AP1S3: variants seen among roughly 807,000 people sequenced by gnomAD.
AP1S3 encodes adaptor related protein complex 1 subunit sigma 3.
A neutral mutation model predicts 20.9 loss-of-function variants in AP1S3; 10 were observed. That is an observed-to-expected ratio of 0.48 (90% CI 0.29 to 0.81). AP1S3 has a LOEUF of 0.81. Ranked by LOEUF, AP1S3 falls within the 30% of genes least tolerant of loss-of-function variation. The pLI, the probability that AP1S3 is intolerant of heterozygous loss-of-function variation, is 0.08. For missense variants in AP1S3, 154 were observed against 183.8 expected (o/e 0.84, Z 0.94); for synonymous variants, 41 against 61.5 (o/e 0.67, Z 1.56).
Position 223,818,952 on chromosome 2 carries a change from G to A in AP1S3, c.3+18496C>T, listed in dbSNP as rs965716513. ...GATTATAGATTCAAGCTTCAGGCAT[G>A]GGGAAATAATTTGATACTATTTTAA... On this transcript the variant is annotated intron_variant, in intron 1 of 4. Coordinates refer to ENST00000396654, the MANE Select transcript of AP1S3 (RefSeq NM_001039569.2). Among the ~76,000 whole-genome samples, 3 of 152,156 alleles carry A rather than the reference G, an allele frequency of 2.0e-5. No individual in the cohort carries two copies. In the South Asian group the frequency reaches 6.2e-4, roughly 32 times the overall value.
rs1460392204 is a variant in AP1S3, at chr2:223,756,396, AGGAAGGAAG to A, written c.*2310_*2318del. On this transcript the variant is annotated 3_prime_UTR_variant, in exon 5 of 5. Coordinates refer to ENST00000396654, the MANE Select transcript of AP1S3 (RefSeq NM_001039569.2). Reference sequence around the variant, plus strand: ...AAGAAAGGAGGGAGGGAGGAAGGGAAGGAAGGAAGGGAGGGAAGGAGAGAGAGAGAAGAA... The same window carrying A: ...AAGAAAGGAGGGAGGGAGGAAGGGAAGGAGGGAAGGAGAGAGAGAGAAGAA... The A allele has an allele frequency of 2.4e-6, 1 of 418,322 alleles. No individual in the cohort carries two copies. The highest frequency in any genetic ancestry group is 3.1e-6 in the Non-Finnish European group (1 of 317,536). The allele number at this position is 418,322 out of a possible 1,614,324, so 25.9% of individuals were successfully genotyped here.
At chr2:223,806,318 C>T (rs1354997331) in intron 1 of AP1S3, among the ~76,000 whole-genome samples, 1 of 138,784 alleles carries the variant, frequency 7.2e-6, no homozygotes, top group East Asian at 2.2e-4. Context: ...GAGTCCCACT[C>T]TGTCACCCAG....
At chr2:223,806,875 G>C (rs1691595171) in intron 1 of AP1S3, among the ~76,000 whole-genome samples, 1 of 151,822 alleles carries the variant, frequency 6.6e-6, no homozygotes, top group African/African-American at 2.4e-5. Flanking sequence ...CATAATTTCA[G>C]GTGGTTTTTT....
At chr2:223,818,438 C>A (rs1353806854) in intron 1 of AP1S3, among the ~76,000 whole-genome samples, 2 of 136,960 alleles carry the variant, frequency 1.5e-5, no homozygotes, top group Non-Finnish European at 3.3e-5. Flanking sequence ...AAAAAAATGT[C>A]CAAGGTTCCA....
At chr2:223,763,723 C>T (rs199849215) in intron 4 of AP1S3, among the ~76,000 whole-genome samples, 5 of 152,150 alleles carry the variant, frequency 3.3e-5, no homozygotes, top group East Asian at 3.9e-4. Flanking sequence ...CAGCTGCTTA[C>T]GGCACCCACT....
rs1056321094 is a variant in AP1S3 at position 223,757,930 on chromosome 2, T to C, written c.*785A>G. On this transcript the variant is annotated 3_prime_UTR_variant, in exon 5 of 5. Coordinates refer to ENST00000396654, the MANE Select transcript of AP1S3 (RefSeq NM_001039569.2). ...TTATTATTGCTATTAATTCTTATCA[T>C]ACTATTTTAGAATAATAAAGGAAGT... The C allele has an allele frequency of 4.1e-6, 4 of 971,940 alleles. No individual in the cohort carries two copies. In the African/African-American group the frequency reaches 5.3e-5, roughly 13 times the overall value. 60.2% of individuals were successfully genotyped at this position (971,940 alleles called of 1,614,324 possible).
intron 1 of AP1S3, among the ~76,000 whole-genome samples, chr2:223,828,442 G>A (rs932619906): frequency 1.3e-5 from 2 of 151,732 alleles, no homozygotes; most frequent in African/African-American, 2.4e-5. Flanking sequence ...GGTTATAGGC[G>A]TGCACCACCA....
chr2:223,775,576 C>T (rs55638739), intron 3 of AP1S3, among the ~76,000 whole-genome samples: 2,464 of 152,226 alleles, frequency 0.016, 29 homozygotes, highest in Non-Finnish European at 0.025. Flanking sequence ...CACGGTAGCT[C>T]ATGCCTATAA....
chr2:223,830,478 CAAAAA>C (rs11359575), intron 1 of AP1S3, among the ~76,000 whole-genome samples: 2 of 116,198 alleles, frequency 1.7e-5, no homozygotes, highest in African/African-American at 6.5e-5. Flanking sequence ...GACTCTCTCT[CAAAAA>C]AAAAAAAAAA....
At chr2:223,777,967 T>C in intron 1 of AP1S3, 98 bp from the exon 2 acceptor site, 1 of 1,123,364 alleles carries the variant, frequency 8.9e-7, no homozygotes, top group Non-Finnish European at 1.2e-6. Context: ...CACAGAAAGA[T>C]AATTCTGAAC....
intron 1 of AP1S3, among the ~76,000 whole-genome samples, chr2:223,805,335 C>T (rs550698426): frequency 1.3e-5 from 2 of 152,122 alleles, no homozygotes; most frequent in East Asian, 1.9e-4. Flanking sequence ...CCTGGCTACT[C>T]GGGAGCCAGA....
At chr2:223,770,745 T>TTTC (rs1371827475) in intron 3 of AP1S3, among the ~76,000 whole-genome samples, 1 of 149,834 alleles carries the variant, frequency 6.7e-6, no homozygotes, top group Non-Finnish European at 1.5e-5. Flanking sequence ...TTTTTTTTTT[T>TTTC]TGGAAACAGT....
intron 1 of AP1S3, among the ~76,000 whole-genome samples, chr2:223,830,478 CAAAAAAA>C (rs11359575): frequency 8.6e-6 from 1 of 116,198 alleles, no homozygotes; most frequent in Non-Finnish European, 1.8e-5. Context: ...GACTCTCTCT[CAAAAAAA>C]AAAAAAAAAA....
intron 1 of AP1S3, among the ~76,000 whole-genome samples, chr2:223,832,375 C>T (rs1295221002): frequency 1.1e-5 from 1 of 93,444 alleles, no homozygotes; most frequent in Non-Finnish European, 2.4e-5. Flanking sequence ...ACAAACAAAA[C>T]GAGTGATAGA....
chr2:223,776,119 T>A lies in AP1S3; in HGVS notation c.183-110A>T, dbSNP rs1285750706. ...TCCTCCCCCGCCGAGCCTCTCCTCA[T>A]CCAAGAATGAAATCATTATTCATCA... On this transcript the variant is annotated intron_variant, in intron 2 of 4. Coordinates refer to ENST00000396654, the MANE Select transcript of AP1S3 (RefSeq NM_001039569.2). The A allele has an allele frequency of 6.5e-6, 5 of 768,298 alleles. No individual in the cohort carries two copies. The Admixed American group carries it at 1.0e-4, about 15-fold the overall frequency. 47.6% of individuals were successfully genotyped at this position (768,298 alleles called of 1,614,324 possible). A position where few individuals can be genotyped will look rare whatever the true frequency, so the allele number is the denominator to read the frequency against.
intron 1 of AP1S3, among the ~76,000 whole-genome samples, chr2:223,808,489 C>A (rs1002074912): frequency 6.6e-5 from 10 of 152,166 alleles, no homozygotes; most frequent in Non-Finnish European, 1.5e-4. Context: ...AGGACTCTTT[C>A]CAATCACTTT....
intron 1 of AP1S3, among the ~76,000 whole-genome samples, chr2:223,812,865 A>G (rs902494640): frequency 3.3e-5 from 5 of 152,140 alleles, no homozygotes; most frequent in Admixed American, 2.0e-4. Flanking sequence ...AATTGTCAAT[A>G]AAAACAATCA....
chr2:223,761,783 C>T (rs912083834), intron 4 of AP1S3, among the ~76,000 whole-genome samples: 5 of 152,044 alleles, frequency 3.3e-5, no homozygotes, highest in Non-Finnish European at 5.9e-5. Flanking sequence ...AGGCTGATCT[C>T]AAACTCTTGA....
rs1051061303 is a variant in AP1S3 at position 223,837,473 on chromosome 2, C to G, written c.-23G>C. On this transcript the variant is annotated 5_prime_UTR_variant, in exon 1 of 5. Transcript: ENST00000396654. ...CATCGTGGCTGGGCCGCCGCCTCCC[C>G]CGCCTTGCGAGCAAGGAGCGCTGGA... The G allele has an allele frequency of 1.0e-5, 13 of 1,286,006 alleles. No individual in the cohort carries two copies. In the Admixed American group the frequency reaches 1.0e-4, roughly 10 times the overall value. 79.7% of individuals were successfully genotyped at this position (1,286,006 alleles called of 1,614,324 possible).
Sources: gnomAD v4.1 joint callset for allele counts (sites outside exome capture counted in the v4.1 genomes callset) on GRCh38, gnomAD v4.1.1 for gene constraint, MANE v1.5 for transcripts, NCBI Gene and HGNC (gene_info 2026-07-23, HGNC 2026-07-21) for gene names.